LRRC49: variants seen among roughly 807,000 people sequenced by gnomAD.
LRRC49 encodes leucine rich repeat containing 49, also known as leucine-rich repeat-containing protein 49.
Under a neutral mutation model 83.3 loss-of-function variants are expected in LRRC49, and 50 were observed. The observed-to-expected ratio is 0.60, with a 90% CI of 0.48 to 0.76. The LOEUF is 0.76. Among genes scored for constraint, LRRC49 ranks in the 30% least tolerant of loss-of-function variants. The probability of loss-of-function intolerance (pLI) is 0.00; values close to 1 mark genes in which losing one functional copy is unlikely to be tolerated. For missense variants in LRRC49, 704 were observed against 809.1 expected (o/e 0.87, Z 1.58); for synonymous variants, 286 against 283.3 (o/e 1.01, Z -0.10).
intron 14 of LRRC49, among the ~76,000 whole-genome samples, chr15:71,018,691 A>G (rs2038903415): frequency 6.6e-6 from 1 of 152,128 alleles, no homozygotes; most frequent in South Asian, 2.1e-4. Context: ...ATTCAATTTA[A>G]TTCTGACACT....
intron 15 of LRRC49, among the ~76,000 whole-genome samples, chr15:71,039,830 A>G (rs1441859681): frequency 6.6e-6 from 1 of 152,230 alleles, no homozygotes; most frequent in Admixed American, 6.5e-5. Flanking sequence ...TCACAGTAAA[A>G]TCTACCAACT....
chr15:70,946,846 T>G (rs904104874), intron 8 of LRRC49, among the ~76,000 whole-genome samples: 2 of 152,164 alleles, frequency 1.3e-5, no homozygotes, highest in African/African-American at 4.8e-5. Flanking sequence ...ATGATTTTTT[T>G]CATCTACATT....
In LRRC49 at chr15:70,936,792, A is replaced by T; in HGVS notation, c.743A>T (p.His248Leu). The T allele has an allele frequency of 6.2e-7, 1 of 1,611,578 alleles. No homozygotes were observed. Among genetic ancestry groups the T allele is most frequent in the Non-Finnish European group, 8.5e-7 (1 of 1,178,036 alleles). ...RDVDNLPCLQ[H>L]LFLSFNNISS... is the part of the protein sequence containing the mutation. Reference sequence around the variant, plus strand: ...GTGGATAATTTGCCCTGCCTCCAACATCTCTTTCTCAGCTTTAACAATATA... The same window carrying T: ...GTGGATAATTTGCCCTGCCTCCAACTTCTCTTTCTCAGCTTTAACAATATA... The change falls in exon 8 of 16, where the codon CAT (histidine) becomes CTT (leucine). Residue 248 changes from histidine (H) to leucine (L), a missense_variant. Physicochemically the swap from His to Leu is moderately conservative, Grantham distance 99 (BLOSUM62 -3). Coordinates refer to ENST00000260382, the MANE Select transcript of LRRC49 (RefSeq NM_017691.5).
chr15:71,010,013 A>G, intron 13 of LRRC49, 21 bp downstream of exon 13: 12 of 1,427,970 alleles, frequency 8.4e-6, no homozygotes, highest in Non-Finnish European at 1.0e-5. Flanking sequence ...AACTAGATGA[A>G]CTATAGAATA....
chr15:70,923,121 A>G (rs1331288736), intron 7 of LRRC49, among the ~76,000 whole-genome samples: 2 of 151,934 alleles, frequency 1.3e-5, no homozygotes, highest in Non-Finnish European at 2.9e-5. Context: ...TGTAAGTTCC[A>G]TGTTTTACTG....
chr15:70,875,349 T>C (rs980621512), intron 2 of LRRC49, among the ~76,000 whole-genome samples: 1 of 152,102 alleles, frequency 6.6e-6, no homozygotes, highest in Non-Finnish European at 1.5e-5. Flanking sequence ...AATCAAGATA[T>C]ATGGGTAAGG....
At position 70,904,583 on chromosome 15, in the gene LRRC49, G is replaced by T. The variant is rs777683697; in HGVS notation, c.328G>T (p.Gly110Trp). The change falls in exon 5 of 16, where the codon GGG (glycine) becomes TGG (tryptophan). Residue 110 changes from glycine (G) to tryptophan (W), a missense_variant. Around this residue, in one of 3 missense-constraint regions of LRRC49, gnomAD observed 261 missense variants for 330.5 expected, o/e 0.79. Coordinates refer to ENST00000260382, the MANE Select transcript of LRRC49 (RefSeq NM_017691.5). ...QKLTVCPIINGEDHLRLLNFQ... is the reference protein window; with the variant it reads ...QKLTVCPIINWEDHLRLLNFQ... ...GCTGACCGTATGTCCTATCATCAAT[G>T]GGGAAGACCACCTTCGTTTGTTGAA... 16 of 1,613,404 alleles carry T rather than the reference G, an allele frequency of 9.9e-6. No individual in the cohort carries two copies. Among genetic ancestry groups the T allele is most frequent in the Non-Finnish European group, 1.4e-5 (16 of 1,179,538 alleles).
intron 15 of LRRC49, among the ~76,000 whole-genome samples, chr15:71,048,268 G>GT (rs1165364712): frequency 6.6e-6 from 1 of 150,614 alleles, no homozygotes; most frequent in Non-Finnish European, 1.5e-5. Flanking sequence ...TTTTATTCTT[G>GT]TTTTTCTGTA....
At chr15:70,981,475 C>T (rs1307723183) in intron 10 of LRRC49, among the ~76,000 whole-genome samples, 1 of 150,336 alleles carries the variant, frequency 6.7e-6, no homozygotes, top group Admixed American at 6.6e-5. Flanking sequence ...GCATATGTAT[C>T]CTAGAACTTA....
intron 7 of LRRC49, among the ~76,000 whole-genome samples, chr15:70,928,321 T>TA (rs1485821775): frequency 2.0e-5 from 3 of 152,114 alleles, no homozygotes; most frequent in Admixed American, 1.3e-4. Context: ...CGATATTCAG[T>TA]AAAAAAATCT....
intron 8 of LRRC49, among the ~76,000 whole-genome samples, chr15:70,941,025 T>C (rs2035796126): frequency 6.6e-6 from 1 of 152,210 alleles, no homozygotes; most frequent in Non-Finnish European, 1.5e-5. Context: ...TTTGTTTTCA[T>C]CCATGCTGCT....
At chr15:70,889,556 T>C (rs1179293968), upstream of LRRC49, among the ~76,000 whole-genome samples, 1 of 152,192 alleles carries the variant, frequency 6.6e-6, no homozygotes, top group Non-Finnish European at 1.5e-5. Context: ...TTTGCTATAG[T>C]TCAAGTCAAC....
intron 2 of LRRC49, among the ~76,000 whole-genome samples, chr15:70,876,203 C>T (rs1237207773): frequency 6.6e-6 from 1 of 152,190 alleles, no homozygotes; most frequent in African/African-American, 2.4e-5. Flanking sequence ...ATCTCTACAC[C>T]TCACTACTCG....
At chr15:70,862,293 G>T (rs1327098986) in intron 1 of LRRC49, among the ~76,000 whole-genome samples, 2 of 151,878 alleles carry the variant, frequency 1.3e-5, no homozygotes, top group African/African-American at 4.8e-5. Flanking sequence ...AAAATTCTGA[G>T]GCTGGCCGGG....
At chr15:70,870,035 T>G (rs1416517380) in intron 1 of LRRC49, among the ~76,000 whole-genome samples, 1 of 152,210 alleles carries the variant, frequency 6.6e-6, no homozygotes, top group Non-Finnish European at 1.5e-5. Flanking sequence ...TTTCTGACAC[T>G]CTGAGCTTCA....
At chr15:71,007,735 AT>A (rs2038509546) in intron 11 of LRRC49, among the ~76,000 whole-genome samples, 1 of 105,218 alleles carries the variant, frequency 9.5e-6, no homozygotes, top group Non-Finnish European at 2.1e-5. Flanking sequence ...ATATATATAT[AT>A]ATATAGTGTG....
rs145403490 is a variant in LRRC49 at position 71,035,831 on chromosome 15, G to T, written c.1704-1348G>T. ...ATACATGTATATGTTATAATAGAAT[G>T]ACTTATATTCTTTTGGGTATATACC... On this transcript the variant is annotated intron_variant, in intron 14 of 15. Transcript: ENST00000260382. 2.4e-3 allele frequency among the ~76,000 whole-genome samples: 372 copies of T among 152,226 alleles called. 4 individuals are homozygous for T. The highest frequency in any genetic ancestry group is 1.3e-3 in the Non-Finnish European group (88 of 68,016).
At chr15:70,984,321 GAAACCATTTTACATATAA>G in intron 11 of LRRC49, 64 bp downstream of exon 11, 1 of 1,367,596 alleles carries the variant, frequency 7.3e-7, no homozygotes, top group Non-Finnish European at 9.9e-7. Flanking sequence ...GTGGGAATTA[GAAACCATTTTACATATAA>G]TTATTTTAAA....
chr15:70,910,456 G>A (rs1181892176), intron 5 of LRRC49, among the ~76,000 whole-genome samples: 1 of 152,090 alleles, frequency 6.6e-6, no homozygotes, highest in African/African-American at 2.4e-5. Context: ...AAAACAGAGA[G>A]GTGGAAGTGG....
Sources: gnomAD v4.1 joint callset for allele counts (sites outside exome capture counted in the v4.1 genomes callset) on GRCh38, gnomAD v4.1.1 for gene constraint, gnomAD v4.1.1 regional missense constraint, MANE v1.5 for transcripts, NCBI Gene and HGNC (gene_info 2026-07-23, HGNC 2026-07-21) for gene names.